Variants in YIPF7 observed in about 807,000 individuals in gnomAD.
The protein encoded by YIPF7 is Yip1 domain family member 7, also known as protein YIPF7.
A neutral mutation model predicts 27.2 loss-of-function variants in YIPF7; 35 were observed. That is an observed-to-expected ratio of 1.29 (90% CI 0.98 to 1.70). The LOEUF (loss-of-function observed/expected upper bound fraction) is 1.70. Among genes scored for constraint, YIPF7 ranks in the 40% most tolerant of loss-of-function variants. The probability of loss-of-function intolerance (pLI) is 0.00; values close to 1 mark genes in which losing one functional copy is unlikely to be tolerated. For missense variants in YIPF7, 358 were observed against 303.7 expected, an observed-to-expected ratio of 1.18 and a Z score of -1.33; for synonymous variants, 137 against 110.4, an observed-to-expected ratio of 1.24 and a Z score of -1.51.
At position 44,622,255 on chromosome 4, in the gene YIPF7, G is replaced by A; in HGVS notation, c.*159C>T. On this transcript the variant is annotated 3_prime_UTR_variant, in exon 6 of 6. Coordinates refer to ENST00000415895, the MANE Select transcript of YIPF7 (RefSeq NM_182592.3). ...AGCAAAACATCATTCAAACCAACAG[G>A]CTATTAGAGCACCACCCTTAAGTGC... 2 of 846,390 alleles carry A rather than the reference G, an allele frequency of 2.4e-6. No homozygotes were observed. Among genetic ancestry groups the A allele is most frequent in the South Asian group, 3.8e-5 (2 of 51,992 alleles). 52.4% of individuals were successfully genotyped at this position (846,390 alleles called of 1,614,324 possible).
chr4:44,628,046 G>C lies in YIPF7; in HGVS notation c.426+1357C>G, dbSNP rs1471790662. On this transcript the variant is annotated intron_variant, in intron 4 of 5. Transcript: ENST00000415895. ...TTATTACAAATGACTTGTAAAGAAA[G>C]ATGAGTTAATATATTAAATTGATTG... Among the ~76,000 whole-genome samples, 3 of 152,132 alleles carry C rather than the reference G, an allele frequency of 2.0e-5. No homozygotes were observed. In the South Asian group the frequency reaches 6.2e-4, roughly 32 times the overall value.
intron 2 of YIPF7, among the ~76,000 whole-genome samples, chr4:44,646,799 G>A (rs1372849279): frequency 2.0e-5 from 3 of 152,138 alleles, no homozygotes; most frequent in Non-Finnish European, 4.4e-5. Flanking sequence ...GGACAGGCGT[G>A]AAGGAAGAGA....
rs2109579857 is a variant in YIPF7 at position 44,629,472 on chromosome 4, G to T, written c.357C>A (p.Ser119Arg). 2 of 1,596,898 alleles carry T rather than the reference G, an allele frequency of 1.3e-6. No individual in the cohort carries two copies. Among genetic ancestry groups the T allele is most frequent in the Middle Eastern group, 1.7e-4 (1 of 6,036 alleles). Residue 119 changes from serine to arginine, a missense_variant, in exon 4 of 6, where the codon AGC (serine) becomes AGA (arginine). Ser to Arg is a moderately radical substitution (Grantham distance 110, BLOSUM62 -1). Transcript: ENST00000415895. ...CAGTGAGGTCCGTTTCATTCATAATGCTGCCATCTACTGGCTTCATTGGGT... is the reference window on the plus strand; with the variant it reads ...CAGTGAGGTCCGTTTCATTCATAATTCTGCCATCTACTGGCTTCATTGGGT... ...VLNPMKPVDG[S>R]IMNETDLTGP...
intron 2 of YIPF7, among the ~76,000 whole-genome samples, chr4:44,636,364 G>T (rs1322688089): frequency 6.6e-6 from 1 of 152,032 alleles, no homozygotes; most frequent in Non-Finnish European, 1.5e-5. Flanking sequence ...ACTCTATAAG[G>T]TAAAAGCTGT....
chr4:44,653,464 C>T (rs1351237758), upstream of YIPF7, among the ~76,000 whole-genome samples: 1 of 151,856 alleles, frequency 6.6e-6, no homozygotes, highest in South Asian at 2.1e-4. Context: ...GTCATGGCAA[C>T]TGAGGAAAAG....
intron 4 of YIPF7, among the ~76,000 whole-genome samples, chr4:44,627,104 T>C (rs1003198685): frequency 6.6e-6 from 1 of 152,238 alleles, no homozygotes; most frequent in East Asian, 1.9e-4. Flanking sequence ...TTAAAATACT[T>C]AGTGTTCTTC....
intron 2 of YIPF7, among the ~76,000 whole-genome samples, chr4:44,647,451 C>A (rs1009669984): frequency 6.6e-6 from 1 of 152,296 alleles, no homozygotes. Flanking sequence ...TTTAAGGCAA[C>A]TAGTTCCTTT....
intron 3 of YIPF7, among the ~76,000 whole-genome samples, chr4:44,630,764 C>T (rs1372543389): frequency 6.6e-6 from 1 of 152,136 alleles, no homozygotes; most frequent in Non-Finnish European, 1.5e-5. Flanking sequence ...AATACTTAGC[C>T]ATTTGACATC....
At chr4:44,635,244 A>G (rs371416106) in intron 3 of YIPF7, among the ~76,000 whole-genome samples, 11 of 152,082 alleles carry the variant, frequency 7.2e-5, no homozygotes, top group African/African-American at 2.7e-4. Flanking sequence ...TTGTATTAAC[A>G]TTGTTTAAGA....
chr4:44,626,763 C>CTTTTTTTTTT (rs71190269), intron 4 of YIPF7, among the ~76,000 whole-genome samples: 1,163 of 69,790 alleles, frequency 0.017, 234 homozygotes, highest in Non-Finnish European at 0.02. Flanking sequence ...ATTAGCACAT[C>CTTTTTTTTTT]TTTTTTTTTT....
chr4:44,629,933 C>T (rs1036674495), intron 3 of YIPF7, among the ~76,000 whole-genome samples: 7 of 152,100 alleles, frequency 4.6e-5, no homozygotes, highest in Admixed American at 1.3e-4. Flanking sequence ...AAACTTTCAT[C>T]CTATTGTCCA....
chr4:44,655,338 T>C (rs1348137519), upstream of YIPF7, among the ~76,000 whole-genome samples: 1 of 152,016 alleles, frequency 6.6e-6, no homozygotes, highest in Non-Finnish European at 1.5e-5. Context: ...AATTGATTTG[T>C]GCAGTCACAC....
At position 44,627,686 on chromosome 4, in the gene YIPF7, A is replaced by G. The variant is rs528711378; in HGVS notation, c.426+1717T>C. 2.0e-5 allele frequency among the ~76,000 whole-genome samples: 3 copies of G among 152,326 alleles called. No individual in the cohort carries two copies. In the South Asian group the frequency reaches 6.2e-4, roughly 32 times the overall value. On this transcript the variant is annotated intron_variant, in intron 4 of 5. Coordinates refer to ENST00000415895, the MANE Select transcript of YIPF7 (RefSeq NM_182592.3). ...AATGTTTGCATAAAGACATTCAGAA[A>G]ATACGTATTTTCACATATTCTCCAC...
chr4:44,645,383 G>A (rs1037573391), intron 2 of YIPF7, among the ~76,000 whole-genome samples: 2 of 152,076 alleles, frequency 1.3e-5, no homozygotes, highest in African/African-American at 4.8e-5. Context: ...CATGAAAAAA[G>A]TCTCTGAGAT....
Position 44,635,968 on chromosome 4 carries a change from T to A in YIPF7, c.234A>T (p.Gln78His), listed in dbSNP as rs760124170. 23 of 1,613,764 alleles carry A rather than the reference T, an allele frequency of 1.4e-5. No homozygotes were observed. The highest frequency in any genetic ancestry group is 1.6e-4 in the Middle Eastern group (1 of 6,084). Residue 78 changes from glutamine (Q) to histidine (H), a missense_variant, in exon 3 of 6, where the codon CAA becomes CAT. Gln to His is a conservative substitution (Grantham distance 24, BLOSUM62 0). Transcript: ENST00000415895. ...QPASNSDYYS[Q>H]SPYIDSFDEE... ...CATCAAAACTGTCAATGTAAGGAGA[T>A]TGTGAATAATAATCTGAGTTGGATG...
intron 3 of YIPF7, among the ~76,000 whole-genome samples, chr4:44,633,392 A>C (rs1712990915): frequency 6.6e-6 from 1 of 152,252 alleles, no homozygotes; most frequent in African/African-American, 2.4e-5. Flanking sequence ...AGATAGTAGA[A>C]AAGATTACTT....
chr4:44,631,893 G>A (rs557746012), intron 3 of YIPF7, among the ~76,000 whole-genome samples: 2 of 152,078 alleles, frequency 1.3e-5, no homozygotes, highest in Non-Finnish European at 2.9e-5. Context: ...CTAAAAATAT[G>A]TTTTCAGTAT....
intron 4 of YIPF7, 173 bp downstream of exon 4, chr4:44,629,230 G>T: frequency 1.5e-6 from 1 of 665,334 alleles, no homozygotes; most frequent in Non-Finnish European, 2.1e-6. Context: ...CTTTTTAGCT[G>T]TTGCAATGCA....
intron 2 of YIPF7, among the ~76,000 whole-genome samples, chr4:44,639,661 C>G (rs1436765857): frequency 6.6e-6 from 1 of 151,904 alleles, no homozygotes; most frequent in Non-Finnish European, 1.5e-5. Context: ...ATCCAATTAC[C>G]AATTTGGATG....
Sources: allele counts gnomAD v4.1 joint callset (sites outside exome capture counted in the v4.1 genomes callset), GRCh38; gene constraint gnomAD v4.1.1; transcripts MANE v1.5; gene names NCBI Gene and HGNC (gene_info 2026-07-23, HGNC 2026-07-21).